The following TMEM38A variants were observed in gnomAD, a reference collection of about 807,000 sequenced individuals.
TMEM38A encodes the protein transmembrane protein 38A, also known as trimeric intracellular cation channel type A.
In TMEM38A, 17 loss-of-function variants were observed where a neutral mutation model predicts 28.6. The ratio of observed to expected loss-of-function variants is 0.60; its 90% CI spans 0.41 to 0.89. TMEM38A has a LOEUF of 0.89. TMEM38A is among the 40% of genes least tolerant of loss of function. The pLI is 0.00. For synonymous variants in TMEM38A, 169 were observed against 166.1 expected, an observed-to-expected ratio of 1.02 and a Z score of -0.14; for missense variants, 328 against 393.1, an observed-to-expected ratio of 0.83 and a Z score of 1.40.
At chr19:16,671,292 G>A (rs376144874) in intron 1 of TMEM38A, among the ~76,000 whole-genome samples, 15 of 139,974 alleles carry the variant, frequency 1.1e-4, no homozygotes, top group South Asian at 2.4e-4. Flanking sequence ...TGCAATTTCC[G>A]CCTCCTGGGT....
intron 1 of TMEM38A, among the ~76,000 whole-genome samples, chr19:16,670,276 G>GTT (rs750785005): frequency 2.6e-4 from 30 of 114,634 alleles, no homozygotes; most frequent in African/African-American, 7.7e-4. Context: ...CCTGTTTTTT[G>GTT]TTTTTTTTTT....
intron 4 of TMEM38A, among the ~76,000 whole-genome samples, chr19:16,684,346 G>A (rs912253500): frequency 9.2e-5 from 14 of 151,894 alleles, no homozygotes; most frequent in African/African-American, 3.4e-4. Context: ...CAGGTGTGGT[G>A]GTGTGTGCCT....
intron 2 of TMEM38A, 113 bp from the exon 3 acceptor site, chr19:16,680,284 C>T: frequency 6.7e-7 from 1 of 1,485,948 alleles, no homozygotes; most frequent in South Asian, 1.2e-5. Context: ...CCATGCCCAT[C>T]TCTGGTCTAG....
intron 4 of TMEM38A, 49 bp downstream of exon 4, chr19:16,682,557 T>C: frequency 6.5e-7 from 1 of 1,542,678 alleles, no homozygotes; most frequent in South Asian, 1.1e-5. Flanking sequence ...TATGTCCGGG[T>C]GCCTGACCCT....
Sources: gnomAD v4.1 joint callset for allele counts (sites outside exome capture counted in the v4.1 genomes callset) on GRCh38, gnomAD v4.1.1 for gene constraint, MANE v1.5 for transcripts, NCBI Gene and HGNC (gene_info 2026-07-23, HGNC 2026-07-21) for gene names.